The following LAMP1 variants were observed in gnomAD, a reference collection of about 807,000 sequenced individuals.
LAMP1 encodes lysosome associated membrane protein 1.
Under a neutral mutation model 37.5 loss-of-function variants are expected in LAMP1, and 7 were observed. The ratio of observed to expected loss-of-function variants is 0.19; its 90% CI spans 0.11 to 0.35. LAMP1 has a LOEUF of 0.35. Ranked by LOEUF, LAMP1 falls within the 10% of genes least tolerant of loss-of-function variation. The pLI is 1.00. For synonymous variants in LAMP1, 236 were observed against 229.1 expected, an observed-to-expected ratio of 1.03 and a Z score of -0.27; for missense variants, 537 against 552.8, an observed-to-expected ratio of 0.97 and a Z score of 0.29.
chr13:113,312,514 G>C (rs1272974046), intron 4 of LAMP1, among the ~76,000 whole-genome samples: 1 of 152,210 alleles, frequency 6.6e-6, no homozygotes, highest in Admixed American at 6.5e-5. Context: ...GGGTGAAAAG[G>C]AGCCCAACTT....
At chr13:113,307,405 G>C (rs758383065) in intron 2 of LAMP1, among the ~76,000 whole-genome samples, 10 of 151,800 alleles carry the variant, frequency 6.6e-5, no homozygotes, top group Non-Finnish European at 1.2e-4. Flanking sequence ...TGATCTGCCT[G>C]CCTTGGCCTC....
At chr13:113,308,437 A>G (rs1439766259) in intron 2 of LAMP1, among the ~76,000 whole-genome samples, 1 of 148,430 alleles carries the variant, frequency 6.7e-6, no homozygotes, top group African/African-American at 2.5e-5. Flanking sequence ...GGTTCAAGCA[A>G]TTCTTCTGCC....
chr13:113,319,736 C>G, intron 5 of LAMP1, 80 bp downstream of exon 5: 1 of 1,273,224 alleles, frequency 7.9e-7, no homozygotes, highest in South Asian at 1.4e-5. Flanking sequence ...TGAGAACACG[C>G]GTCTCTGCAC....
chr13:113,315,121 G>T (rs557792435), intron 4 of LAMP1, among the ~76,000 whole-genome samples: 1 of 136,820 alleles, frequency 7.3e-6, no homozygotes, highest in Non-Finnish European at 1.6e-5. Flanking sequence ...GTGTGCCTGG[G>T]GCGTGGCCTC....
intron 4 of LAMP1, among the ~76,000 whole-genome samples, chr13:113,318,967 C>T (rs9577228): frequency 0.15 from 22,573 of 152,220 alleles, 4,992 homozygotes; most frequent in African/African-American, 0.48. Context: ...CCCTCTGTTT[C>T]CCTCTGGGTA....
Position 113,320,881 on chromosome 13 carries a change from G to T in LAMP1, c.876+411G>T. The T allele has an allele frequency of 4.6e-6, 1 of 218,432 alleles. No homozygotes were observed. Among genetic ancestry groups the T allele is most frequent in the Non-Finnish European group, 9.2e-6 (1 of 108,646 alleles). 13.5% of individuals were successfully genotyped at this position (218,432 alleles called of 1,614,324 possible). A position where few individuals can be genotyped will look rare whatever the true frequency, so the allele number is the denominator to read the frequency against. ...GCTGTGCAAATGAATTAACAGTTCA[G>T]TTTCTTATAATTTTAGCTTTCCAAA... On this transcript the variant is annotated intron_variant, in intron 6 of 8. Transcript: ENST00000332556. This position sits in a 1 kb window ranked among gnomAD's most constrained non-coding sequence, Gnocchi z 4.4.
chr13:113,314,053 C>T (rs1235371350), intron 4 of LAMP1, among the ~76,000 whole-genome samples: 2 of 86,208 alleles, frequency 2.3e-5, no homozygotes, highest in Non-Finnish European at 4.4e-5. Context: ...TGTGGAGATG[C>T]CCGTGTGCCT....
At chr13:113,308,324 C>CT (rs71101565) in intron 2 of LAMP1, among the ~76,000 whole-genome samples, 43,472 of 61,054 alleles carry the variant, frequency 0.71, 17,009 homozygotes, top group South Asian at 0.89. Flanking sequence ...CCTCCAAGCA[C>CT]TTTTTTTTTT....
In LAMP1 at chr13:113,323,418, C is replaced by T. The variant is rs1394660009; in HGVS notation, c.*997C>T. ...CCTGTAACAATGTAATAAAAAGCCT[C>T]TTTCTTTTTGGGGTGGGCCTTGTCC... On this transcript the variant is annotated 3_prime_UTR_variant, in exon 9 of 9. Transcript: ENST00000332556. The T allele has an allele frequency of 6.6e-6, 1 of 151,740 alleles. No homozygotes were observed. The highest frequency in any genetic ancestry group is 1.5e-5 in the Non-Finnish European group (1 of 67,992). The allele number at this position is 151,740 out of a possible 1,614,324, so 9.4% of individuals were successfully genotyped here.
chr13:113,313,887 G>A (rs1204634507), intron 4 of LAMP1, among the ~76,000 whole-genome samples: 3 of 117,958 alleles, frequency 2.5e-5, no homozygotes, highest in Non-Finnish European at 4.8e-5. Context: ...ATGGCCTCCT[G>A]GAGGGAACCA....
chr13:113,311,196 T>C (rs544016672), intron 4 of LAMP1, among the ~76,000 whole-genome samples: 1 of 151,974 alleles, frequency 6.6e-6, no homozygotes, highest in East Asian at 1.9e-4. Flanking sequence ...CACCAGGGGC[T>C]GGGGTTAAGT....
At position 113,297,577 on chromosome 13, in the gene LAMP1, G is replaced by T. The variant is rs180692655; in HGVS notation, c.61+82G>T. 6,496 of 1,176,674 alleles carry T rather than the reference G, an allele frequency of 5.5e-3. 15 individuals are homozygous for T. The highest frequency in any genetic ancestry group is 5.8e-3 in the Non-Finnish European group (5,526 of 946,782). The allele number at this position is 1,176,674 out of a possible 1,614,324, so 72.9% of individuals were successfully genotyped here. A position where few individuals can be genotyped will look rare whatever the true frequency, so the allele number is the denominator to read the frequency against. ...TGGGTCTTGAGGGCGGGGGACTGCC[G>T]GGTCGTTGTCCCGCGGGTCGCCCCG... On this transcript the variant is annotated intron_variant, in intron 1 of 8. Coordinates refer to ENST00000332556, the MANE Select transcript of LAMP1 (RefSeq NM_005561.4). The surrounding 1 kb of genome is among the most constrained non-coding windows in gnomAD (Gnocchi z 4.4).
At position 113,323,033 on chromosome 13, in the gene LAMP1, T is replaced by C. The variant is rs943255868; in HGVS notation, c.*612T>C. On this transcript the variant is annotated 3_prime_UTR_variant, in exon 9 of 9. Transcript: ENST00000332556. The stretch of plus-strand genomic sequence containing the variant: ...AAGGTCACTCGTGGTGAGGCTGACA[T>C]GCTCACACATTACAACAGTAGAGAG... 6.5e-6 allele frequency: 1 copy of C among 152,840 alleles called. No individual in the cohort carries two copies. The highest frequency in any genetic ancestry group is 2.4e-5 in the African/African-American group (1 of 41,450). The allele number at this position is 152,840 out of a possible 1,614,324, so 9.5% of individuals were successfully genotyped here.
At position 113,309,756 on chromosome 13, in the gene LAMP1, A is replaced by G. The variant is rs1226870090; in HGVS notation, c.297A>G (p.Thr99=). The change falls in exon 3 of 9, where the codon ACA becomes ACG. Residue 99 remains threonine, a synonymous_variant. Coordinates refer to ENST00000332556, the MANE Select transcript of LAMP1 (RefSeq NM_005561.4). ...SLVIAFGRGH[T]LTLNFTRNAT... ...TGATTGCTTTTGGAAGAGGACATAC[A>G]CTCACTCTCAATTTCACGAGAAATG... 1 of 1,614,088 alleles carries G rather than the reference A, an allele frequency of 6.2e-7. No individual in the cohort carries two copies. Among genetic ancestry groups the G allele is most frequent in the Middle Eastern group, 1.7e-4 (1 of 6,054 alleles).
intron 1 of LAMP1, among the ~76,000 whole-genome samples, chr13:113,298,189 A>G (rs1361073904): frequency 1.3e-5 from 2 of 152,210 alleles, no homozygotes; most frequent in Non-Finnish European, 2.9e-5. Flanking sequence ...TAAGTAGTTT[A>G]AAGAGCGCCG....
chr13:113,319,796 A>G (rs1337377109), intron 5 of LAMP1, 140 bp downstream of exon 5: 1 of 756,110 alleles, frequency 1.3e-6, no homozygotes, highest in Non-Finnish European at 2.1e-6. Flanking sequence ...ACGTGACCCT[A>G]GAGGACAAGA....
At chr13:113,298,840 A>G (rs1287289416) in intron 1 of LAMP1, among the ~76,000 whole-genome samples, 1 of 152,222 alleles carries the variant, frequency 6.6e-6, no homozygotes, top group Non-Finnish European at 1.5e-5. Flanking sequence ...GTTTTGTTTC[A>G]TGTTTTAAAA....
chr13:113,304,366 G>A (rs1287117387), intron 1 of LAMP1, among the ~76,000 whole-genome samples: 2 of 152,216 alleles, frequency 1.3e-5, no homozygotes, highest in Admixed American at 1.3e-4. Context: ...GGCGTCTGCT[G>A]TGTCTGCCTG....
chr13:113,306,872 C>T (rs941293130), intron 2 of LAMP1, among the ~76,000 whole-genome samples: 1 of 99,782 alleles, frequency 1.0e-5, no homozygotes. Flanking sequence ...CGGAGTCTCG[C>T]TCTGTCACCC....
Sources: gnomAD v4.1 joint callset for allele counts (sites outside exome capture counted in the v4.1 genomes callset) on GRCh38, gnomAD v4.1.1 for gene constraint, Gnocchi (gnomAD v3.1) non-coding constraint, MANE v1.5 for transcripts, NCBI Gene and HGNC (gene_info 2026-07-23, HGNC 2026-07-21) for gene names.